Variants in GALNS observed in about 807,000 individuals in gnomAD.
The protein encoded by GALNS is galactosamine (N-acetyl)-6-sulfatase.
Under a neutral mutation model 65.9 loss-of-function variants are expected in GALNS, and 65 were observed. The observed-to-expected ratio is 0.99, with a 90% CI of 0.81 to 1.21. The LOEUF (loss-of-function observed/expected upper bound fraction) is 1.21, where lower values mean the gene tolerates loss of function less well. Ranked by LOEUF, GALNS falls within the 50% of genes most tolerant of loss-of-function variation. The pLI, the probability that GALNS is intolerant of heterozygous loss-of-function variation, is 0.00. For synonymous variants in GALNS, 346 were observed against 288.9 expected (o/e 1.20, Z -2.00); for missense variants, 776 against 700.7 (o/e 1.11, Z -1.21).
At chr16:88,825,720 G>A (rs1007270772) in intron 10 of GALNS, among the ~76,000 whole-genome samples, 6 of 152,068 alleles carry the variant, frequency 3.9e-5, no homozygotes, top group Non-Finnish European at 8.8e-5. Context: ...CAGGCGGCAC[G>A]GGGTCTCCTG....
chr16:88,822,388 G>A (rs1363510650), intron 12 of GALNS, among the ~76,000 whole-genome samples: 14 of 152,182 alleles, frequency 9.2e-5, no homozygotes, highest in Admixed American at 6.5e-4. Flanking sequence ...GCAGAAGTGG[G>A]GAGACCACCA....
intron 11 of GALNS, 91 bp from the exon 12 acceptor site, chr16:88,822,801 C>T (rs1451781817): frequency 2.0e-5 from 30 of 1,535,914 alleles, no homozygotes; most frequent in East Asian, 2.5e-5. Context: ...CCCCTGACTG[C>T]GGCCGTGAGG....
At chr16:88,841,339 C>A (rs540275154) in intron 3 of GALNS, among the ~76,000 whole-genome samples, 3 of 152,154 alleles carry the variant, frequency 2.0e-5, no homozygotes, top group Non-Finnish European at 2.9e-5. Flanking sequence ...TGCCCCCCAG[C>A]GCCTTCCTTG....
intron 10 of GALNS, 145 bp from the exon 11 acceptor site, chr16:88,825,014 A>C (rs1288554734): frequency 2.9e-5 from 20 of 695,696 alleles, no homozygotes; most frequent in Non-Finnish European, 4.9e-5. Flanking sequence ...TGAAAAGTAA[A>C]AAGGCCCGCA....
intron 12 of GALNS, 127 bp downstream of exon 12, chr16:88,822,462 G>C (rs986525492): frequency 7.8e-7 from 1 of 1,280,632 alleles, no homozygotes; most frequent in Non-Finnish European, 1.1e-6. Context: ...GGTATGAATA[G>C]CAACAGCAGA....
intron 10 of GALNS, among the ~76,000 whole-genome samples, chr16:88,825,839 A>G (rs1910835706): frequency 6.6e-6 from 1 of 152,092 alleles, no homozygotes; most frequent in South Asian, 2.1e-4. Context: ...GGGACAAGTG[A>G]GCAAAACTCC....
intron 11 of GALNS, among the ~76,000 whole-genome samples, chr16:88,822,913 C>T (rs1380763422): frequency 6.6e-6 from 1 of 152,102 alleles, no homozygotes; most frequent in African/African-American, 2.4e-5. Flanking sequence ...TGGTGCAGGG[C>T]GCTGGCTAAA....
chr16:88,831,738 T>A (rs1200149457), intron 9 of GALNS, among the ~76,000 whole-genome samples: 8 of 18,924 alleles, frequency 4.2e-4, no homozygotes, highest in African/African-American at 7.4e-4. Context: ...GAGCACGGGG[T>A]GCGTGGGGAG....
At chr16:88,850,875 C>T (rs527581267) in intron 1 of GALNS, among the ~76,000 whole-genome samples, 8 of 152,374 alleles carry the variant, frequency 5.3e-5, no homozygotes, top group South Asian at 2.1e-4. Context: ...GGGCATAAAT[C>T]GTGGCATGTG....
chr16:88,826,965 C>T lies in GALNS; in HGVS notation c.1003-127G>A, dbSNP rs74035850. ...CTACAGATATGCATACATGCTCACA[C>T]GCCCACAGCAGGGACTGAGCGGGGT... On this transcript the variant is annotated intron_variant, in intron 9 of 13. Transcript: ENST00000268695. The T allele has an allele frequency of 8.0e-3, 9,260 of 1,153,252 alleles. 506 individuals carry two copies. The African/African-American group carries it at 0.12, about 16-fold the overall frequency. The allele number at this position is 1,153,252 out of a possible 1,614,324, so 71.4% of individuals were successfully genotyped here.
intron 13 of GALNS, chr16:88,817,181 C>T (rs1909719281): frequency 1.0e-6 from 1 of 985,470 alleles, no homozygotes; most frequent in Non-Finnish European, 1.2e-6. Flanking sequence ...CCTATGGGAC[C>T]CCCAAGCAGG....
At chr16:88,830,336 G>A (rs1479585921) in intron 9 of GALNS, among the ~76,000 whole-genome samples, 1 of 152,036 alleles carries the variant, frequency 6.6e-6, no homozygotes, top group African/African-American at 2.4e-5. Flanking sequence ...CAGGAATGGG[G>A]CAGCTACTAG....
chr16:88,851,107 G>C (rs1002981543), intron 1 of GALNS, among the ~76,000 whole-genome samples: 4 of 152,176 alleles, frequency 2.6e-5, no homozygotes, highest in Admixed American at 2.0e-4. Flanking sequence ...GCCTTTCTTG[G>C]CTATGAAAAG....
At chr16:88,848,493 CGTGGTTGCAGGCGCCT>C (rs1257495063) in intron 1 of GALNS, among the ~76,000 whole-genome samples, 1 of 149,872 alleles carries the variant, frequency 6.7e-6, no homozygotes, top group Non-Finnish European at 1.5e-5. Flanking sequence ...ATTAGCCAGG[CGTGGTTGCAGGCGCCT>C]GTGGTCCCAG....
At position 88,822,490 on chromosome 16, in the gene GALNS, G is replaced by A. The variant is rs922205376; in HGVS notation, c.1364+99C>T. On this transcript the variant is annotated intron_variant, in intron 12 of 13. Transcript: ENST00000268695. ...ACAGCAGATGCAGGCAAGGGGAGGC[G>A]GCGGGCAGGGTGCAGAGGGCTCTGT... The A allele has an allele frequency of 1.3e-5, 20 of 1,498,356 alleles. 1 individual carries two copies. Among genetic ancestry groups the A allele is most frequent in the East Asian group, 1.2e-4 (5 of 43,034 alleles). 92.8% of individuals were successfully genotyped at this position (1,498,356 alleles called of 1,614,324 possible).
intron 9 of GALNS, among the ~76,000 whole-genome samples, chr16:88,828,487 A>G (rs1296656694): frequency 6.6e-6 from 1 of 152,186 alleles, no homozygotes; most frequent in African/African-American, 2.4e-5. Flanking sequence ...GCCCAGAGGG[A>G]ACTGTCGGGA....
intron 10 of GALNS, among the ~76,000 whole-genome samples, chr16:88,826,126 G>A (rs963457568): frequency 2.3e-4 from 35 of 150,890 alleles, no homozygotes; most frequent in African/African-American, 8.3e-4. Flanking sequence ...ACCAGGCTGG[G>A]CAGGGAACAG....
intron 1 of GALNS, among the ~76,000 whole-genome samples, chr16:88,848,246 G>A (rs1422010432): frequency 6.6e-6 from 1 of 152,210 alleles, no homozygotes; most frequent in African/African-American, 2.4e-5. Context: ...AAGATGATGT[G>A]ACGATGTGTG....
At chr16:88,821,949 G>C (rs1017246752) in intron 12 of GALNS, among the ~76,000 whole-genome samples, 4 of 152,128 alleles carry the variant, frequency 2.6e-5, no homozygotes, top group African/African-American at 9.7e-5. Flanking sequence ...GGGGTGAGGG[G>C]GGGAAGCCTC....
Sources: allele counts gnomAD v4.1 joint callset (sites outside exome capture counted in the v4.1 genomes callset), GRCh38; gene constraint gnomAD v4.1.1; transcripts MANE v1.5; gene names NCBI Gene and HGNC (gene_info 2026-07-23, HGNC 2026-07-21).